Variants in PPP1R1C observed in about 807,000 individuals in gnomAD.
PPP1R1C encodes protein phosphatase 1 regulatory subunit 1C.
In PPP1R1C, 15 loss-of-function variants were observed where a neutral mutation model predicts 17.4. The observed-to-expected ratio is 0.86, with a 90% CI of 0.58 to 1.33. The LOEUF (loss-of-function observed/expected upper bound fraction) is 1.33, where lower values mean the gene tolerates loss of function less well. Among genes scored for constraint, PPP1R1C ranks in the 40% most tolerant of loss-of-function variants. The probability of loss-of-function intolerance (pLI) is 0.00; values close to 1 mark genes in which losing one functional copy is unlikely to be tolerated. For synonymous variants in PPP1R1C, 35 were observed against 43.1 expected (o/e 0.81, Z 0.73); for missense variants, 143 against 130.0 (o/e 1.10, Z -0.48).
chr2:181,968,671 A>G (rs1017546260), intron 1 of PPP1R1C, among the ~76,000 whole-genome samples: 2 of 151,984 alleles, frequency 1.3e-5, no homozygotes, highest in African/African-American at 4.8e-5. Flanking sequence ...TTTTGATTGG[A>G]GAGTTTAGTT....
At chr2:182,029,609 AG>A (rs1296531747) in intron 2 of PPP1R1C, among the ~76,000 whole-genome samples, 1 of 132,058 alleles carries the variant, frequency 7.6e-6, no homozygotes, top group African/African-American at 3.0e-5. Context: ...CTTCCCTTTG[AG>A]GGTAACCCGA....
intron 4 of PPP1R1C, among the ~76,000 whole-genome samples, chr2:182,096,966 C>T (rs1021313138): frequency 1.3e-5 from 2 of 152,142 alleles, no homozygotes; most frequent in African/African-American, 4.8e-5. Context: ...AATCAGGTGA[C>T]AAAGACTGCA....
At chr2:182,012,149 G>T (rs921426761) in intron 2 of PPP1R1C, among the ~76,000 whole-genome samples, 3 of 151,956 alleles carry the variant, frequency 2.0e-5, no homozygotes, top group Non-Finnish European at 4.4e-5. Context: ...TGTAAATTAG[G>T]TGTTATGTTT....
chr2:181,985,887 A>T lies in PPP1R1C; in HGVS notation c.-224A>T. 1 of 592,352 alleles carries T rather than the reference A, an allele frequency of 1.7e-6. No homozygotes were observed. The highest frequency in any genetic ancestry group is 3.0e-6 in the Non-Finnish European group (1 of 332,404). 36.7% of individuals were successfully genotyped at this position (592,352 alleles called of 1,614,324 possible). Reference sequence around the variant, plus strand: ...TTCTGTATTGTGCTGAGAGGATCCAAGGGATTGGTGGGGGAACAGGCAAGC... The same window carrying T: ...TTCTGTATTGTGCTGAGAGGATCCATGGGATTGGTGGGGGAACAGGCAAGC... On this transcript the variant is annotated 5_prime_UTR_variant, in exon 1 of 5. In the 5' UTR this introduces an upstream ATG that the reference lacks. Transcript: ENST00000682840. The surrounding 1 kb of genome is among the most constrained non-coding windows in gnomAD (Gnocchi z 4.1).
At chr2:182,099,761 C>T (rs1689044197) in intron 4 of PPP1R1C, among the ~76,000 whole-genome samples, 1 of 152,214 alleles carries the variant, frequency 6.6e-6, no homozygotes, top group African/African-American at 2.4e-5. Context: ...TCATGCATGT[C>T]AGTATCTGAT....
chr2:182,098,154 A>G (rs1314763729), intron 4 of PPP1R1C, among the ~76,000 whole-genome samples: 1 of 152,130 alleles, frequency 6.6e-6, no homozygotes, highest in Non-Finnish European at 1.5e-5. Context: ...ACCATGAACA[A>G]GTTTATTGAA....
upstream of PPP1R1C, among the ~76,000 whole-genome samples, chr2:181,980,933 T>G (rs373012089): frequency 3.2e-4 from 48 of 150,856 alleles, no homozygotes; most frequent in East Asian, 6.4e-3. Context: ...AGAAGTTTTT[T>G]TTTTTTTTTT....
chr2:182,046,134 T>TTCCC (rs1687340624), intron 2 of PPP1R1C, among the ~76,000 whole-genome samples: 1 of 104,422 alleles, frequency 9.6e-6, no homozygotes, highest in Admixed American at 9.1e-5. Flanking sequence ...CCTTCCTTCC[T>TTCCC]TCCTTCTTCC....
intron 4 of PPP1R1C, among the ~76,000 whole-genome samples, chr2:182,096,088 A>G (rs1157979470): frequency 2.0e-5 from 3 of 152,230 alleles, no homozygotes; most frequent in Admixed American, 2.0e-4. Flanking sequence ...GAAGTTTTAC[A>G]AGCCTTCAGA....
chr2:182,119,088 T>A (rs1177407666), downstream of PPP1R1C, among the ~76,000 whole-genome samples: 1 of 151,876 alleles, frequency 6.6e-6, no homozygotes, highest in Non-Finnish European at 1.5e-5. Context: ...CGGTGTGTGA[T>A]GTTCCCCTTC....
chr2:182,014,717 G>A (rs1000893792), intron 2 of PPP1R1C, among the ~76,000 whole-genome samples: 8 of 152,026 alleles, frequency 5.3e-5, no homozygotes, highest in South Asian at 2.1e-4. Context: ...AACCTACTTG[G>A]TGCTCCTTTC....
In PPP1R1C at chr2:181,957,495, C is replaced by A. The variant is rs748680615; in HGVS notation, n.111+2861C>A. 7.9e-5 allele frequency among the ~76,000 whole-genome samples: 12 copies of A among 152,088 alleles called. No homozygotes were observed. Among genetic ancestry groups the A allele is most frequent in the African/African-American group, 1.2e-4 (5 of 41,414 alleles). On this transcript the variant is annotated intron_variant and non_coding_transcript_variant, in intron 1 of 5. Transcript: ENST00000464264. The surrounding 1 kb of genome is among the most constrained non-coding windows in gnomAD (Gnocchi z 4.2). ...CAACCATTTAGAAATATTATTAAGT[C>A]CCTTTAACTTACTGAATCATAACAG...
At position 182,037,738 on chromosome 2, in the gene PPP1R1C, T is replaced by A. The variant is rs144213660; in HGVS notation, c.143-23704T>A. Among the ~76,000 whole-genome samples the A allele has an allele frequency of 2.5e-3, 380 of 152,280 alleles. 1 individual carries two copies. Among genetic ancestry groups the A allele is most frequent in the Middle Eastern group, 0.024 (7 of 294 alleles). On this transcript the variant is annotated intron_variant, in intron 2 of 4. Coordinates refer to ENST00000682840, the MANE Select transcript of PPP1R1C (RefSeq NM_001080545.3). Reference sequence around the variant, plus strand: ...CAAGAAAACCTCAGAGTTTAGAAACTATGAACTGTTAATTTCACCTGAATT... The same window carrying A: ...CAAGAAAACCTCAGAGTTTAGAAACAATGAACTGTTAATTTCACCTGAATT...
upstream of PPP1R1C, among the ~76,000 whole-genome samples, chr2:181,984,847 C>T (rs1559045389): frequency 6.6e-6 from 1 of 152,096 alleles, no homozygotes; most frequent in Non-Finnish European, 1.5e-5. Flanking sequence ...AGATCTCAAG[C>T]AGTTTCATTT....
At chr2:182,024,652 T>C (rs534064702) in intron 2 of PPP1R1C, among the ~76,000 whole-genome samples, 2 of 152,002 alleles carry the variant, frequency 1.3e-5, no homozygotes, top group Admixed American at 6.6e-5. Context: ...AGCTCAGGAG[T>C]TCGAGACCAG....
chr2:182,067,210 G>T (rs948817766), intron 4 of PPP1R1C, among the ~76,000 whole-genome samples: 19 of 151,774 alleles, frequency 1.3e-4, no homozygotes, highest in African/African-American at 4.6e-4. Flanking sequence ...ATGATTTCTT[G>T]TAAAGACTTC....
intron 2 of PPP1R1C, among the ~76,000 whole-genome samples, chr2:182,017,714 C>T (rs572355358): frequency 9.1e-4 from 138 of 152,118 alleles, no homozygotes; most frequent in Middle Eastern, 6.8e-3. Flanking sequence ...TAAATTAAAA[C>T]GTATAGTGCT....
Position 182,076,368 on chromosome 2 carries a change from T to G in PPP1R1C, c.241+12577T>G, listed in dbSNP as rs145118558. Among the ~76,000 whole-genome samples the G allele has an allele frequency of 6.4e-3, 964 of 151,694 alleles. 3 individuals are homozygous for G. The highest frequency in any genetic ancestry group is 0.01 in the Non-Finnish European group (682 of 67,886). On this transcript the variant is annotated intron_variant, in intron 4 of 4. Coordinates refer to ENST00000682840, the MANE Select transcript of PPP1R1C (RefSeq NM_001080545.3). ...CGCTACCACGCCCGACTAATTTTTT[T>G]TTTTTGTATGAACTTCTATAATAGA...
intron 2 of PPP1R1C, among the ~76,000 whole-genome samples, chr2:182,011,908 G>A (rs1349011095): frequency 6.6e-6 from 1 of 151,894 alleles, no homozygotes; most frequent in Non-Finnish European, 1.5e-5. Flanking sequence ...TAATTCTGAT[G>A]TGTGTGTGTA....
Sources: allele counts gnomAD v4.1 joint callset (sites outside exome capture counted in the v4.1 genomes callset), GRCh38; gene constraint gnomAD v4.1.1; non-coding constraint Gnocchi (gnomAD v3.1); transcripts MANE v1.5; gene names NCBI Gene and HGNC (gene_info 2026-07-23, HGNC 2026-07-21).